SLCO5A1: variants seen among roughly 807,000 people sequenced by gnomAD.
SLCO5A1 encodes solute carrier organic anion transporter family member 5A1.
Under a neutral mutation model 65.1 loss-of-function variants are expected in SLCO5A1, and 39 were observed. The ratio of observed to expected loss-of-function variants is 0.60; its 90% confidence interval spans 0.46 to 0.78. The LOEUF is 0.78. Ranked by LOEUF, SLCO5A1 falls within the 30% of genes least tolerant of loss-of-function variation. SLCO5A1 has a pLI of 0.00. For missense variants in SLCO5A1, 1,029 were observed against 1,069.4 expected (o/e 0.96, Z 0.53); for synonymous variants, 438 against 415.7 (o/e 1.05, Z -0.65).
chr8:69,803,106 C>G (rs1439568828), intron 2 of SLCO5A1, among the ~76,000 whole-genome samples: 1 of 152,096 alleles, frequency 6.6e-6, no homozygotes, highest in Non-Finnish European at 1.5e-5. Flanking sequence ...ATGGTGAAAT[C>G]CCGTCTCTAC....
chr8:69,833,384 A>G (rs1821267153), intron 1 of SLCO5A1: 2 of 152,148 alleles, frequency 1.3e-5, no homozygotes, highest in Non-Finnish European at 2.9e-5. Flanking sequence ...ACTCTCCCTC[A>G]TTGTCTGCCG....
At chr8:69,776,272 A>G (rs979671631) in intron 2 of SLCO5A1, among the ~76,000 whole-genome samples, 3 of 152,212 alleles carry the variant, frequency 2.0e-5, no homozygotes, top group African/African-American at 7.2e-5. Flanking sequence ...AAATTTTGAG[A>G]TACAATGTGG....
At chr8:69,815,541 G>A (rs1820367342) in intron 2 of SLCO5A1, among the ~76,000 whole-genome samples, 2 of 151,836 alleles carry the variant, frequency 1.3e-5, no homozygotes, top group Non-Finnish European at 2.9e-5. Flanking sequence ...TCATTGATGA[G>A]CTCTGCTTTA....
chr8:69,679,502 C>G lies in SLCO5A1; in HGVS notation c.1900G>C (p.Gly634Arg), dbSNP rs1388157571. Residue 634 changes from glycine (G) to arginine (R), a missense_variant, in exon 8 of 10, where the codon GGC becomes CGC. Physicochemically the swap from Gly to Arg is moderately radical, Grantham distance 125 (BLOSUM62 -2). Around this residue, in one of 3 missense-constraint regions of SLCO5A1, gnomAD observed 124 missense variants for 184.5 expected, o/e 0.67. Coordinates refer to ENST00000260126, the MANE Select transcript of SLCO5A1 (RefSeq NM_030958.3). Reference protein sequence around the residue: ...VIVKTYLNENGYAVSGKCKRT... With the variant: ...VIVKTYLNENRYAVSGKCKRT... ...TTACATTTCCCAGACACAGCATAGC[C>G]GTTCTCATTGAGATAAGTCTTGACA... is the stretch of plus-strand genomic sequence containing the variant. 1 of 1,614,186 alleles carries G rather than the reference C, an allele frequency of 6.2e-7. No individual in the cohort carries two copies. The highest frequency in any genetic ancestry group is 8.5e-7 in the Non-Finnish European group (1 of 1,180,044).
chr8:69,803,797 G>A (rs1227764936), intron 2 of SLCO5A1, among the ~76,000 whole-genome samples: 2 of 152,068 alleles, frequency 1.3e-5, no homozygotes, highest in Non-Finnish European at 2.9e-5. Flanking sequence ...AGACCACCTG[G>A]GCAACATAGC....
Position 69,673,094 on chromosome 8 carries a change from TTCTC to T in SLCO5A1, c.2318_2321del (p.Arg773AsnfsTer4). On this transcript the variant is annotated frameshift_variant, in exon 10 of 10. Transcript: ENST00000260126. LOFTEE classifies it high-confidence loss of function. ...TCTCACTCACGGTGCTCAGGGGAAA[TTCTC>T]TCTGCCTCCGCCTCTGCAGTCCATC... is the stretch of plus-strand genomic sequence containing the variant. 6.2e-7 allele frequency: 1 copy of T among 1,614,220 alleles called. No homozygotes were observed. The highest frequency in any genetic ancestry group is 8.5e-7 in the Non-Finnish European group (1 of 1,180,036).
At position 69,831,963 on chromosome 8, in the gene SLCO5A1, A is replaced by G; in HGVS notation, c.711T>C (p.Cys237=). 2 of 1,594,526 alleles carry G rather than the reference A, an allele frequency of 1.3e-6. No individual in the cohort carries two copies. The highest frequency in any genetic ancestry group is 1.7e-6 in the Non-Finnish European group (2 of 1,171,208). The change falls in exon 2 of 10, where the codon TGT becomes TGC. Residue 237 remains cysteine, a synonymous_variant. Coordinates refer to ENST00000260126, the MANE Select transcript of SLCO5A1 (RefSeq NM_030958.3). ...AAGTGGCGGTGGAGTTGCCACCCTG[A>G]CACAGGCCGTCGTTGGGGGCCGAGG... ...LNASAPNDGL[C]QGGNSTATLE...
intron 2 of SLCO5A1, among the ~76,000 whole-genome samples, chr8:69,803,142 G>A (rs916773057): frequency 3.9e-5 from 6 of 152,028 alleles, no homozygotes; most frequent in African/African-American, 9.7e-5. Context: ...TTGGCCAGGC[G>A]CAGTAGCTCA....
chr8:69,773,952 T>C (rs1818452461), intron 2 of SLCO5A1, among the ~76,000 whole-genome samples: 1 of 152,250 alleles, frequency 6.6e-6, no homozygotes, highest in African/African-American at 2.4e-5. Context: ...CATTCTGCTG[T>C]CACCCACCCT....
rs747093244 is a variant in SLCO5A1, at chr8:69,673,078, C to A, written c.2338G>T (p.Val780Leu). The change falls in exon 10 of 10, where the codon GTG becomes TTG. Residue 780 changes from valine (V) to leucine (L), a missense_variant. By Grantham distance (32) the Val-to-Leu change is conservative. Transcript: ENST00000260126. ...RRQREFPLSTVSERVGHPDNA... is the reference protein window; with the variant it reads ...RRQREFPLSTLSERVGHPDNA... ...TCGGGGTGTCCCACTCTCTCACTCA[C>A]GGTGCTCAGGGGAAATTCTCTCTGC... 1 of 1,614,230 alleles carries A rather than the reference C, an allele frequency of 6.2e-7. No homozygotes were observed. Among genetic ancestry groups the A allele is most frequent in the Non-Finnish European group, 8.5e-7 (1 of 1,180,026 alleles).
chr8:69,759,727 C>T (rs1319667516), intron 3 of SLCO5A1, among the ~76,000 whole-genome samples: 1 of 152,196 alleles, frequency 6.6e-6, no homozygotes, highest in Non-Finnish European at 1.5e-5. Flanking sequence ...CTCACTGCAA[C>T]CTCCACCTGC....
At chr8:69,782,896 G>A (rs118114420) in intron 2 of SLCO5A1, among the ~76,000 whole-genome samples, 3 of 152,238 alleles carry the variant, frequency 2.0e-5, no homozygotes, top group South Asian at 2.1e-4. Flanking sequence ...CAAGAGGTTC[G>A]TAAGAGTATT....
At chr8:69,806,805 C>T (rs950690270) in intron 2 of SLCO5A1, among the ~76,000 whole-genome samples, 9 of 152,174 alleles carry the variant, frequency 5.9e-5, no homozygotes, top group South Asian at 2.1e-4. Context: ...CATAAGACCT[C>T]GGGAGCTTCT....
rs1429424790 is a variant in SLCO5A1 at position 69,727,177 on chromosome 8, A to G, written c.1423+10863T>C. The stretch of plus-strand genomic sequence containing the variant: ...TCCCTGTGCATAGTGCCAGGCCCAT[A>G]GCAAAAGCTTTATAAATAGTTGTGC... On this transcript the variant is annotated intron_variant, in intron 5 of 9. Transcript: ENST00000260126. 2.0e-5 allele frequency among the ~76,000 whole-genome samples: 3 copies of G among 152,084 alleles called. No individual in the cohort carries two copies. The East Asian group carries it at 5.8e-4, about 29-fold the overall frequency.
At chr8:69,776,475 T>C (rs1439656617) in intron 2 of SLCO5A1, among the ~76,000 whole-genome samples, 1 of 152,136 alleles carries the variant, frequency 6.6e-6, no homozygotes, top group Admixed American at 6.6e-5. Context: ...GGCGGATTGC[T>C]TGAGCTCAGT....
intron 4 of SLCO5A1, among the ~76,000 whole-genome samples, chr8:69,745,858 T>C (rs772195624): frequency 3.9e-5 from 6 of 152,218 alleles, no homozygotes. Flanking sequence ...TTTCTTACTA[T>C]TAAAAAAAGT....
intron 5 of SLCO5A1, among the ~76,000 whole-genome samples, chr8:69,736,223 G>GCCT (rs1816546301): frequency 6.6e-6 from 1 of 152,342 alleles, no homozygotes; most frequent in South Asian, 2.1e-4. Context: ...AGTGGCCACT[G>GCCT]CCTCAACCAC....
chr8:69,682,090 A>C, intron 7 of SLCO5A1, 94 bp downstream of exon 7: 1 of 1,349,406 alleles, frequency 7.4e-7, no homozygotes, highest in African/African-American at 1.5e-5. Flanking sequence ...CTTGAAAAGA[A>C]AGACTGAAGT....
intron 4 of SLCO5A1, among the ~76,000 whole-genome samples, chr8:69,745,455 C>T (rs906323536): frequency 2.0e-5 from 3 of 151,986 alleles, no homozygotes; most frequent in South Asian, 2.1e-4. Context: ...AGGACTACTG[C>T]TTGTTTTATT....
Sources: allele counts gnomAD v4.1 joint callset (sites outside exome capture counted in the v4.1 genomes callset), GRCh38; gene constraint gnomAD v4.1.1; regional missense constraint gnomAD v4.1.1; transcripts MANE v1.5; gene names NCBI Gene and HGNC (gene_info 2026-07-23, HGNC 2026-07-21).